The following NALCN variants were observed in gnomAD, a reference collection of about 807,000 sequenced individuals.
The protein encoded by NALCN is sodium leak channel, non-selective.
NALCN carries 111 observed loss-of-function variants against 225.3 expected under a neutral mutation model. The ratio of observed to expected loss-of-function variants is 0.49; its 90% confidence interval spans 0.42 to 0.58. NALCN has a LOEUF of 0.58. Among genes scored for constraint, NALCN ranks in the 20% least tolerant of loss-of-function variants. The probability of loss-of-function intolerance (pLI) is 0.00; values close to 1 mark genes in which losing one functional copy is unlikely to be tolerated. For synonymous variants in NALCN, 764 were observed against 769.0 expected (o/e 0.99, Z 0.11); for missense variants, 1,378 against 2,202.4 (o/e 0.63, Z 7.49).
chr13:101,338,535 C>G (rs2045457240), intron 7 of NALCN, among the ~76,000 whole-genome samples: 2 of 152,116 alleles, frequency 1.3e-5, no homozygotes, highest in Non-Finnish European at 2.9e-5. Flanking sequence ...AAATAACCAC[C>G]TGAATAGTTT....
intron 15 of NALCN, among the ~76,000 whole-genome samples, chr13:101,155,685 T>C (rs993108819): frequency 1.3e-5 from 2 of 152,154 alleles, no homozygotes; most frequent in African/African-American, 4.8e-5. Context: ...TGACTCCAAC[T>C]GACACTTAGA....
In NALCN at chr13:101,200,076, G is replaced by C. The variant is rs116606391; in HGVS notation, c.1627-8022C>G. Among the ~76,000 whole-genome samples, 712 of 152,038 alleles carry C rather than the reference G, an allele frequency of 4.7e-3. 6 individuals carry two copies. Among genetic ancestry groups the C allele is most frequent in the African/African-American group, 0.017 (693 of 41,460 alleles). On this transcript the variant is annotated intron_variant, in intron 13 of 43. Transcript: ENST00000251127. ...CCATTGTAATGCCTTCACATCCCTT[G>C]TATGTTCTGATGACTTCCACAGTTA... is the stretch of plus-strand genomic sequence containing the variant.
intron 11 of NALCN, among the ~76,000 whole-genome samples, chr13:101,245,871 A>G (rs58997058): frequency 0.17 from 25,487 of 152,126 alleles, 2,319 homozygotes; most frequent in East Asian, 0.37. Flanking sequence ...CCAACCAGAC[A>G]CTTGCCTAGG....
At position 101,125,270 on chromosome 13, in the gene NALCN, A is replaced by G. The variant is rs528314239; in HGVS notation, c.2119-589T>C. On this transcript the variant is annotated intron_variant, in intron 17 of 43. Transcript: ENST00000251127. ...GTGGCTTGCTAGTTGCAGATTTTAGATTGGTGGAAGGTGTACAAGGAGTTA... is the reference window on the plus strand; with the variant it reads ...GTGGCTTGCTAGTTGCAGATTTTAGGTTGGTGGAAGGTGTACAAGGAGTTA... Among the ~76,000 whole-genome samples the G allele has an allele frequency of 1.5e-4, 23 of 152,238 alleles. No homozygotes were observed. In the South Asian group the frequency reaches 4.4e-3, roughly 29 times the overall value.
chr13:101,213,125 C>G lies in NALCN; in HGVS notation c.1626+16268G>C, dbSNP rs371329036. On this transcript the variant is annotated intron_variant, in intron 13 of 43. Transcript: ENST00000251127. ...TATAGACCAATGGAATAGAACAGAG[C>G]CCTCAGAAATAATACCACACATCTA... Among the ~76,000 whole-genome samples, 716 of 151,964 alleles carry G rather than the reference C, an allele frequency of 4.7e-3. 8 individuals carry two copies. Among genetic ancestry groups the G allele is most frequent in the African/African-American group, 0.017 (697 of 41,418 alleles).
intron 3 of NALCN, among the ~76,000 whole-genome samples, chr13:101,393,114 C>T (rs1447730977): frequency 6.6e-6 from 1 of 152,144 alleles, no homozygotes; most frequent in Non-Finnish European, 1.5e-5. Context: ...ACAATTGCAA[C>T]TTATATCACA....
At chr13:101,368,539 A>C (rs149688033) in intron 6 of NALCN, 4 of 152,254 alleles carry the variant, frequency 2.6e-5, no homozygotes, top group African/African-American at 9.6e-5. Context: ...AAAGTTTAAA[A>C]ATTTTCAAAT....
chr13:101,244,493 T>A (rs921728744), intron 11 of NALCN, among the ~76,000 whole-genome samples: 1 of 152,198 alleles, frequency 6.6e-6, no homozygotes, highest in African/African-American at 2.4e-5. Context: ...GTCTCACTGA[T>A]TTTCCCCTAG....
chr13:101,264,945 G>C (rs770570363), intron 10 of NALCN, among the ~76,000 whole-genome samples: 1 of 152,162 alleles, frequency 6.6e-6, no homozygotes, highest in Admixed American at 6.5e-5. Flanking sequence ...GTTAAGAAAT[G>C]CAAATGCAGG....
rs1429928751 is a variant in NALCN at position 101,311,121 on chromosome 13, A to G, written c.800-18755T>C. On this transcript the variant is annotated intron_variant, in intron 7 of 43. Coordinates refer to ENST00000251127, the MANE Select transcript of NALCN (RefSeq NM_052867.4). ...CTAGGTATTTTATTCTCTTTGAAGC[A>G]ACTGTGAATGGGAGTTCACTCATGA... 3.3e-5 allele frequency among the ~76,000 whole-genome samples: 5 copies of G among 150,390 alleles called. No homozygotes were observed. The East Asian group carries it at 9.8e-4, about 29-fold the overall frequency.
intron 12 of NALCN, among the ~76,000 whole-genome samples, chr13:101,233,434 G>A (rs1028131051): frequency 3.3e-5 from 5 of 150,246 alleles, no homozygotes; most frequent in South Asian, 2.1e-4. Context: ...TCCACCTCCC[G>A]GGTTCACACC....
chr13:101,089,860 G>A lies in NALCN; in HGVS notation c.3376C>T (p.His1126Tyr). Residue 1126 changes from histidine to tyrosine, a missense_variant, in exon 29 of 44, where the codon CAT (histidine) becomes TAT (tyrosine). Around this residue, in one of 19 missense-constraint regions of NALCN, gnomAD observed 292 missense variants for 409.5 expected, o/e 0.71. Coordinates refer to ENST00000251127, the MANE Select transcript of NALCN (RefSeq NM_052867.4). This position sits in a 1 kb window ranked among gnomAD's most constrained non-coding sequence, Gnocchi z 4.7. ...TGCTCGCTTACCGGCCCCACACGATGAATAATAACATCTCTCACTTCCACC... is the reference window on the plus strand; with the variant it reads ...TGCTCGCTTACCGGCCCCACACGATAAATAATAACATCTCTCACTTCCACC... ...GWVEVRDVII[H>Y]RVGPIHGIYI... is the part of the protein sequence containing the mutation. 1 of 1,614,080 alleles carries A rather than the reference G, an allele frequency of 6.2e-7. No homozygotes were observed. The highest frequency in any genetic ancestry group is 1.1e-5 in the South Asian group (1 of 91,084).
At chr13:101,199,181 C>A (rs536405973) in intron 13 of NALCN, among the ~76,000 whole-genome samples, 1 of 151,684 alleles carries the variant, frequency 6.6e-6, no homozygotes, top group South Asian at 2.1e-4. Context: ...GGAGATATAG[C>A]TAATGTAAAT....
intron 6 of NALCN, among the ~76,000 whole-genome samples, chr13:101,347,960 A>G (rs551170093): frequency 6.6e-6 from 1 of 152,308 alleles, no homozygotes; most frequent in South Asian, 2.1e-4. Context: ...AAAGAGGAGA[A>G]GAAACTTTAG....
At chr13:101,302,365 G>T (rs1326495778) in intron 7 of NALCN, among the ~76,000 whole-genome samples, 1 of 151,912 alleles carries the variant, frequency 6.6e-6, no homozygotes, top group African/African-American at 2.4e-5. Flanking sequence ...AATAATCTCG[G>T]AATAAAAAGA....
intron 9 of NALCN, among the ~76,000 whole-genome samples, chr13:101,288,781 G>A (rs1365278972): frequency 6.6e-6 from 1 of 152,188 alleles, no homozygotes; most frequent in Non-Finnish European, 1.5e-5. Flanking sequence ...TTGACTGTCA[G>A]AAGCCTGCTT....
At chr13:101,242,794 T>G (rs1195271157) in intron 11 of NALCN, among the ~76,000 whole-genome samples, 5 of 106,340 alleles carry the variant, frequency 4.7e-5, no homozygotes, top group African/African-American at 1.7e-4. Context: ...TAAAATGCAT[T>G]TTTAACACTG....
At chr13:101,278,190 G>A (rs561417965) in intron 10 of NALCN, among the ~76,000 whole-genome samples, 17 of 152,158 alleles carry the variant, frequency 1.1e-4, no homozygotes, top group Non-Finnish European at 2.2e-4. Flanking sequence ...CCGTTCAAAT[G>A]TTTCATTCCA....
intron 13 of NALCN, among the ~76,000 whole-genome samples, chr13:101,211,494 A>C (rs1468344428): frequency 6.6e-6 from 1 of 151,980 alleles, no homozygotes; most frequent in Non-Finnish European, 1.5e-5. Context: ...TACACAGGAT[A>C]TTATTTTATC....
Sources: allele counts gnomAD v4.1 joint callset (sites outside exome capture counted in the v4.1 genomes callset), GRCh38; gene constraint gnomAD v4.1.1; regional missense constraint gnomAD v4.1.1; non-coding constraint Gnocchi (gnomAD v3.1); transcripts MANE v1.5; gene names NCBI Gene and HGNC (gene_info 2026-07-23, HGNC 2026-07-21).